The following EP400 variants were observed in gnomAD, a reference collection of about 807,000 sequenced individuals.
The protein encoded by EP400 is E1A binding protein p400, also known as E1A-binding protein p400.
A neutral mutation model predicts 354.1 loss-of-function variants in EP400; 105 were observed. The ratio of observed to expected loss-of-function variants is 0.30; its 90% CI spans 0.25 to 0.35. EP400 has a LOEUF of 0.35. Ranked by LOEUF, EP400 falls within the 10% of genes least tolerant of loss-of-function variation. The probability of loss-of-function intolerance (pLI) is 1.00; values close to 1 mark genes in which losing one functional copy is unlikely to be tolerated. For missense variants in EP400, 3,280 were observed against 4,121.0 expected (o/e 0.80, Z 5.59); for synonymous variants, 1,646 against 1,716.9 (o/e 0.96, Z 1.02).
intron 27 of EP400, 108 bp downstream of exon 27, chr12:132,028,396 A>T (rs1894378423): frequency 7.3e-7 from 1 of 1,376,082 alleles, no homozygotes; most frequent in African/African-American, 1.4e-5. Context: ...GCTTCTCCCC[A>T]CGCTGTCCCT....
At position 131,972,645 on chromosome 12, in the gene EP400, C is replaced by T. The variant is rs117017181; in HGVS notation, c.1336-7049C>T. Among the ~76,000 whole-genome samples the T allele has an allele frequency of 7.1e-3, 1,079 of 151,282 alleles. 35 individuals are homozygous for T. The South Asian group carries it at 0.093, about 13-fold the overall frequency. On this transcript the variant is annotated intron_variant, in intron 2 of 52. Coordinates refer to ENST00000389561, the MANE Select transcript of EP400 (RefSeq NM_015409.5). ...TTATTTATAAAAAGATAAAAAGAAC[C>T]GTTCTAAGCAGAAATTTTTCATCAT...
chr12:132,022,670 T>G (rs1396940473), intron 23 of EP400, among the ~76,000 whole-genome samples: 4 of 152,210 alleles, frequency 2.6e-5, no homozygotes, highest in Non-Finnish European at 5.9e-5. Flanking sequence ...CTTTTTTTTT[T>G]TTTAAACAGT....
chr12:132,001,347 CAGAG>C (rs1216833808), intron 12 of EP400, among the ~76,000 whole-genome samples: 1 of 151,818 alleles, frequency 6.6e-6, no homozygotes, highest in Admixed American at 6.6e-5. Context: ...GCAGCCGAGG[CAGAG>C]AGAGAGAGAC....
chr12:132,053,387 G>GGCCCCCCCC lies in EP400; in HGVS notation c.7518_7519insGCCCCCCCC (p.Gln2506_Pro2507insAlaProPro). The stretch of plus-strand genomic sequence containing the variant: ...AGGCACAGCAGCCGGCCGTGGCCCA[G>GGCCCCCCCC]CCACCCCCGCCCCAGCCGCAGCCCC... On this transcript the variant is annotated inframe_insertion, in exon 43 of 53. Transcript: ENST00000389561. The GGCCCCCCCC allele has an allele frequency of 3.2e-6, 5 of 1,546,956 alleles. No individual in the cohort carries two copies. The highest frequency in any genetic ancestry group is 2.3e-5 in the East Asian group (1 of 43,406).
Position 132,054,528 on chromosome 12 carries a change from C to T in EP400, c.7729-446C>T, listed in dbSNP as rs1451319970. On this transcript the variant is annotated intron_variant, in intron 43 of 52. Transcript: ENST00000389561. This position sits in a 1 kb window ranked among gnomAD's most constrained non-coding sequence, Gnocchi z 4.0. Reference sequence around the variant, plus strand: ...TGCAGGACTGGCTTGTTAGGAAACACCTTTCTGAGGACTTGGCATTTGAGC... The same window carrying T: ...TGCAGGACTGGCTTGTTAGGAAACATCTTTCTGAGGACTTGGCATTTGAGC... Among the ~76,000 whole-genome samples the T allele has an allele frequency of 6.6e-6, 1 of 152,114 alleles. No individual in the cohort carries two copies. The highest frequency in any genetic ancestry group is 2.4e-5 in the African/African-American group (1 of 41,394).
At chr12:131,952,714 C>G (rs367579950) in intron 1 of EP400, among the ~76,000 whole-genome samples, 1 of 152,160 alleles carries the variant, frequency 6.6e-6, no homozygotes, top group African/African-American at 2.4e-5. Flanking sequence ...AGTCTCCCAC[C>G]GTGTTGGAAT....
rs1030924042 is a variant in EP400, at chr12:132,054,871, C to T, written c.7729-103C>T. 8.3e-6 allele frequency: 10 copies of T among 1,209,986 alleles called. No homozygotes were observed. The highest frequency in any genetic ancestry group is 3.5e-5 in the Admixed American group (2 of 56,806). The allele number at this position is 1,209,986 out of a possible 1,614,324, so 75.0% of individuals were successfully genotyped here. A position where few individuals can be genotyped will look rare whatever the true frequency, so the allele number is the denominator to read the frequency against. ...ATGGGACAGGTGGCTGTGTGAATGTCGTGGAGTTTGGATTTGATTCTGAAT... is the reference window on the plus strand; with the variant it reads ...ATGGGACAGGTGGCTGTGTGAATGTTGTGGAGTTTGGATTTGATTCTGAAT... On this transcript the variant is annotated intron_variant, in intron 43 of 52. Coordinates refer to ENST00000389561, the MANE Select transcript of EP400 (RefSeq NM_015409.5). The surrounding 1 kb of genome is among the most constrained non-coding windows in gnomAD (Gnocchi z 4.0).
At chr12:132,041,912 T>C (rs1175706513) in intron 32 of EP400, among the ~76,000 whole-genome samples, 1 of 151,970 alleles carries the variant, frequency 6.6e-6, no homozygotes, top group Non-Finnish European at 1.5e-5. Flanking sequence ...CTTTTCCCAA[T>C]TTTTTTTAAA....
chr12:131,981,351 T>C, intron 3 of EP400, 138 bp from the exon 4 acceptor site: 1 of 650,004 alleles, frequency 1.5e-6, no homozygotes. Context: ...CAGCCTTATG[T>C]TTTATGGCTT....
rs765590700 is a variant in EP400 at position 132,066,984 on chromosome 12, A to T, written c.8749+15A>T. 1.1e-5 allele frequency: 17 copies of T among 1,580,874 alleles called. No homozygotes were observed. In the East Asian group the frequency reaches 3.7e-4, roughly 34 times the overall value. ...GAAGGCAGCAGGTGCCCGCCCCAGCACACCCTCCCGTCCTGGGCTTGAGCC... is the reference window on the plus strand; with the variant it reads ...GAAGGCAGCAGGTGCCCGCCCCAGCTCACCCTCCCGTCCTGGGCTTGAGCC... On this transcript the variant is annotated intron_variant, in intron 49 of 52. Coordinates refer to ENST00000389561, the MANE Select transcript of EP400 (RefSeq NM_015409.5).
intron 12 of EP400, among the ~76,000 whole-genome samples, chr12:131,997,751 G>A (rs113332161): frequency 0.017 from 2,571 of 152,158 alleles, 73 homozygotes; most frequent in African/African-American, 0.059. Flanking sequence ...TGGGGGAGGG[G>A]GAGGGGAAGG....
Position 132,021,100 on chromosome 12 carries a change from C to T in EP400, c.4469C>T (p.Thr1490Ile), listed in dbSNP as rs780386641. The change falls in exon 23 of 53, where the codon ACC becomes ATC. Residue 1490 changes from threonine (T) to isoleucine (I), a missense_variant. Thr to Ile is a moderately conservative substitution (Grantham distance 89, BLOSUM62 -1). Around this residue, in one of 20 missense-constraint regions of EP400, gnomAD observed 342 missense variants for 342.7 expected, o/e 1.00. Coordinates refer to ENST00000389561, the MANE Select transcript of EP400 (RefSeq NM_015409.5). ...EAKAAAAPFQ[T>I]SQASASAPRH... is the part of the protein sequence containing the mutation. Reference sequence around the variant, plus strand: ...GCAGCAGCAGCAGCCCCGTTTCAGACCTCTCAGGCTTCCGCCAGTGCTCCA... The same window carrying T: ...GCAGCAGCAGCAGCCCCGTTTCAGATCTCTCAGGCTTCCGCCAGTGCTCCA... The T allele has an allele frequency of 6.3e-7, 1 of 1,599,594 alleles. No individual in the cohort carries two copies. The highest frequency in any genetic ancestry group is 8.5e-7 in the Non-Finnish European group (1 of 1,179,472).
chr12:132,032,017 G>T lies in EP400; in HGVS notation c.5819G>T (p.Arg1940Leu). The T allele has an allele frequency of 3.1e-6, 5 of 1,614,124 alleles. No individual in the cohort carries two copies. In the South Asian group the frequency reaches 3.3e-5, roughly 11 times the overall value. The change falls in exon 30 of 53, where the codon CGT becomes CTT. Residue 1940 changes from arginine (R) to leucine (L), a missense_variant. Arg to Leu is a moderately radical substitution (Grantham distance 102). Coordinates refer to ENST00000389561, the MANE Select transcript of EP400 (RefSeq NM_015409.5). ...IFCAILSTHS[R>L]TTGINLVEAD... is the part of the protein sequence containing the mutation. ...TGTGCCATTCTCTCCACTCACAGCC[G>T]TACCACAGGTATAAACCTTGTAGAG... is the stretch of plus-strand genomic sequence containing the variant.
chr12:131,961,018 C>A lies in EP400; in HGVS notation c.399C>A (p.Thr133=), dbSNP rs1273182751. The A allele has an allele frequency of 5.0e-6, 8 of 1,599,820 alleles. No individual in the cohort carries two copies. In the South Asian group the frequency reaches 7.8e-5, roughly 16 times the overall value. The change falls in exon 2 of 53, where the codon ACC becomes ACA. Residue 133 remains threonine, a synonymous_variant. Transcript: ENST00000389561. Reference sequence around the variant, plus strand: ...CCCCCTTGTCCCAGCAGGTCCAGACCCAGAGTCCCACGCAGCCCAGTCCGG... The same window carrying A: ...CCCCCTTGTCCCAGCAGGTCCAGACACAGAGTCCCACGCAGCCCAGTCCGG... ...VTSPLSQQVQ[T]QSPTQPSPGP... is the part of the protein sequence containing the mutation.
At position 131,995,372 on chromosome 12, in the gene EP400, C is replaced by T. The variant is rs541763391; in HGVS notation, c.2827+416C>T. Among the ~76,000 whole-genome samples, 11 of 150,558 alleles carry T rather than the reference C, an allele frequency of 7.3e-5. No individual in the cohort carries two copies. The East Asian group carries it at 2.2e-3, about 30-fold the overall frequency. On this transcript the variant is annotated intron_variant, in intron 12 of 52. Transcript: ENST00000389561. Reference sequence around the variant, plus strand: ...AGAACTTCATACCAACGAATCCCACCACAGCTTGACTGAATGTACCGTTCA... The same window carrying T: ...AGAACTTCATACCAACGAATCCCACTACAGCTTGACTGAATGTACCGTTCA...
At chr12:132,051,750 C>A (rs1895297875) in intron 41 of EP400, among the ~76,000 whole-genome samples, 2 of 152,056 alleles carry the variant, frequency 1.3e-5, no homozygotes, top group Admixed American at 1.3e-4. Flanking sequence ...TGCGGGCGGG[C>A]CTGACTAATG....
rs778254357 is a variant in EP400, at chr12:132,076,516, G to A, written c.9022G>A (p.Val3008Ile). 6.2e-7 allele frequency: 1 copy of A among 1,614,102 alleles called. No individual in the cohort carries two copies. The highest frequency in any genetic ancestry group is 1.1e-5 in the South Asian group (1 of 91,066). The change falls in exon 52 of 53, where the codon GTT becomes ATT. Residue 3008 changes from valine (V) to isoleucine (I), a missense_variant and splice_region_variant. Physicochemically the swap from Val to Ile is conservative, Grantham distance 29. This residue lies in a region of EP400 where 279 missense variants were observed against 386.7 expected (regional missense o/e 0.72). Coordinates refer to ENST00000389561, the MANE Select transcript of EP400 (RefSeq NM_015409.5). ...TTTGGCTTTTTTTGTTTTGTCAAAG[G>A]TTGCAAAACTTCCTCAAGTTGTTCA... Reference protein sequence around the residue: ...GAQQVQTQIQVAKLPQVVQQQ... With the variant: ...GAQQVQTQIQIAKLPQVVQQQ...
chr12:132,025,985 G>T lies in EP400; in HGVS notation c.5014+181G>T, dbSNP rs2136549426. On this transcript the variant is annotated intron_variant, in intron 25 of 52. Transcript: ENST00000389561. The surrounding 1 kb of genome is among the most constrained non-coding windows in gnomAD (Gnocchi z 4.1). ...CAGCCTGATTTATTTTCTTTTTCTT[G>T]TGCTTTCAAAGGTATTGGTTGGATA... Among the ~76,000 whole-genome samples the T allele has an allele frequency of 6.6e-6, 1 of 152,246 alleles. No homozygotes were observed. Among genetic ancestry groups the T allele is most frequent in the South Asian group, 2.1e-4 (1 of 4,818 alleles).
intron 15 of EP400, 138 bp from the exon 16 acceptor site, chr12:132,011,360 C>T (rs1593344905): frequency 3.7e-6 from 4 of 1,073,482 alleles, no homozygotes; most frequent in Non-Finnish European, 5.4e-6. Flanking sequence ...ACTTGTTCCC[C>T]CCCAAGTCTG....
Sources: allele counts gnomAD v4.1 joint callset (sites outside exome capture counted in the v4.1 genomes callset), GRCh38; gene constraint gnomAD v4.1.1; regional missense constraint gnomAD v4.1.1; non-coding constraint Gnocchi (gnomAD v3.1); transcripts MANE v1.5; gene names NCBI Gene and HGNC (gene_info 2026-07-23, HGNC 2026-07-21).